The following USP12 variants were observed in gnomAD, a reference collection of about 807,000 sequenced individuals.
USP12 encodes the protein ubiquitin specific peptidase 12.
USP12 carries 19 observed loss-of-function variants against 45.5 expected under a neutral mutation model. The observed-to-expected ratio is 0.42, with a 90% CI of 0.29 to 0.61. The LOEUF (loss-of-function observed/expected upper bound fraction) is 0.61, where lower values mean the gene tolerates loss of function less well. Ranked by LOEUF, USP12 falls within the 20% of genes least tolerant of loss-of-function variation. The probability of loss-of-function intolerance (pLI) is 0.22; values close to 1 mark genes in which losing one functional copy is unlikely to be tolerated. For missense variants in USP12, 242 were observed against 447.7 expected (o/e 0.54, Z 4.15); for synonymous variants, 149 against 148.8 (o/e 1.00, Z -0.01).
intron 6 of USP12, among the ~76,000 whole-genome samples, chr13:27,089,076 G>C (rs1020649794): frequency 6.6e-6 from 1 of 152,186 alleles, no homozygotes; most frequent in African/African-American, 2.4e-5. Flanking sequence ...AATCATTAAT[G>C]TCAAGAAAGG....
intron 1 of USP12, among the ~76,000 whole-genome samples, chr13:27,132,298 T>C (rs1421084643): frequency 2.0e-5 from 3 of 152,240 alleles, no homozygotes; most frequent in Admixed American, 6.5e-5. Flanking sequence ...GATTGGCTTA[T>C]GAAGTAGAGA....
At chr13:27,113,718 A>T (rs1337063426) in intron 2 of USP12, among the ~76,000 whole-genome samples, 2 of 152,236 alleles carry the variant, frequency 1.3e-5, no homozygotes, top group Non-Finnish European at 2.9e-5. Context: ...CGCTTGGTAC[A>T]GTCTAGGCAG....
rs762102296 is a variant in USP12 at position 27,105,953 on chromosome 13, GAA to G, written c.130-11_130-10del. 2.7e-6 allele frequency: 4 copies of G among 1,497,240 alleles called. No individual in the cohort carries two copies. The highest frequency in any genetic ancestry group is 1.8e-6 in the Non-Finnish European group (2 of 1,110,634). The allele number at this position is 1,497,240 out of a possible 1,614,324, so 92.7% of individuals were successfully genotyped here. A position where few individuals can be genotyped will look rare whatever the true frequency, so the allele number is the denominator to read the frequency against. The stretch of plus-strand genomic sequence containing the variant: ...TAGCAGGTATTCCCAAACTGCAACA[GAA>G]AAAAAAAAGTTTTGTTAAATTTAGG... On this transcript the variant is annotated splice_polypyrimidine_tract_variant and intron_variant, in intron 2 of 8. Coordinates refer to ENST00000282344, the MANE Select transcript of USP12 (RefSeq NM_182488.4).
Position 27,113,190 on chromosome 13 carries a change from C to T in USP12, c.129+3326G>A, listed in dbSNP as rs545822801. On this transcript the variant is annotated intron_variant, in intron 2 of 8. Transcript: ENST00000282344. ...GTGAAGCTGCAGTGAGCCAGGGAGG[C>T]GAAACTGCAGTGAGCCATGATCACT... 9.7e-4 allele frequency among the ~76,000 whole-genome samples: 147 copies of T among 150,924 alleles called. 1 individual carries two copies. Among genetic ancestry groups the T allele is most frequent in the African/African-American group, 3.4e-3 (139 of 40,430 alleles).
At position 27,139,170 on chromosome 13, in the gene USP12, C is replaced by T. The variant is rs372033379; in HGVS notation, c.49-22574G>A. Among the ~76,000 whole-genome samples the T allele has an allele frequency of 2.9e-4, 44 of 152,368 alleles. No homozygotes were observed. The East Asian group carries it at 4.8e-3, about 17-fold the overall frequency. The stretch of plus-strand genomic sequence containing the variant: ...AGATCAAGATACCATACCTAACATG[C>T]AGACACACTTAACAGAGCTTTCTAT... On this transcript the variant is annotated intron_variant, in intron 1 of 8. Transcript: ENST00000282344.
At position 27,110,127 on chromosome 13, in the gene USP12, T is replaced by TTAAAAAAAAAAA. The variant is rs9319342; in HGVS notation, c.130-4184_130-4183insTTTTTTTTTTTA. ...GATGACTAGGATTTCCTTTTCCAGGTAAAAAAAAAAAAAAAAAAAGGATAA... is the reference window on the plus strand; with the variant it reads ...GATGACTAGGATTTCCTTTTCCAGGTTAAAAAAAAAAAAAAAAAAAAAAAAAAAAAAGGATAA... On this transcript the variant is annotated intron_variant, in intron 2 of 8. Coordinates refer to ENST00000282344, the MANE Select transcript of USP12 (RefSeq NM_182488.4). 2.2e-4 allele frequency among the ~76,000 whole-genome samples: 26 copies of TTAAAAAAAAAAA among 119,626 alleles called. 1 individual carries two copies. Among genetic ancestry groups the TTAAAAAAAAAAA allele is most frequent in the African/African-American group, 7.4e-4 (23 of 31,122 alleles). The allele number at this position is 119,626 out of a possible 152,430, so 78.5% of individuals were successfully genotyped here.
At chr13:27,116,083 T>C (rs1450626438) in intron 2 of USP12, among the ~76,000 whole-genome samples, 1 of 151,906 alleles carries the variant, frequency 6.6e-6, no homozygotes, top group Admixed American at 6.6e-5. Flanking sequence ...GAGGCTGAGG[T>C]TGGCGGATCA....
At chr13:27,130,723 C>T (rs1206814193) in intron 1 of USP12, among the ~76,000 whole-genome samples, 2 of 152,172 alleles carry the variant, frequency 1.3e-5, no homozygotes, top group Admixed American at 6.5e-5. Flanking sequence ...GAGCTGAGCA[C>T]GCTTACTTCC....
chr13:27,089,793 A>G, intron 6 of USP12, 90 bp downstream of exon 6: 2 of 1,285,146 alleles, frequency 1.6e-6, no homozygotes, highest in East Asian at 5.0e-5. Context: ...TACTCAATGT[A>G]AATTTTCCTA....
intron 1 of USP12, among the ~76,000 whole-genome samples, chr13:27,146,958 A>G (rs1877335323): frequency 6.6e-6 from 1 of 152,208 alleles, no homozygotes; most frequent in Non-Finnish European, 1.5e-5. Context: ...GACACAGGGA[A>G]AAGAGGGCCA....
intron 6 of USP12, among the ~76,000 whole-genome samples, chr13:27,084,169 T>TACACACACACACAC (rs374948699): frequency 4.3e-4 from 61 of 142,508 alleles, no homozygotes; most frequent in Non-Finnish European, 7.9e-4. Context: ...CATGTTTGCA[T>TACACACACACACAC]ACACACACAC....
Position 27,171,787 on chromosome 13 carries a change from TCGTCGCCGCCGG to T in USP12, c.-160_-149del, listed in dbSNP as rs1878652177. On this transcript the variant is annotated 5_prime_UTR_variant, in exon 1 of 9. Coordinates refer to ENST00000282344, the MANE Select transcript of USP12 (RefSeq NM_182488.4). ...CGAGCCCGCTGGGCCGCCGCTGCCG[TCGTCGCCGCCGG>T]CGCTCAGGCACTCCCGGCCTCGGGC... 3.6e-6 allele frequency: 1 copy of T among 274,558 alleles called. No homozygotes were observed. Among genetic ancestry groups the T allele is most frequent in the Non-Finnish European group, 5.5e-6 (1 of 180,512 alleles). The allele number at this position is 274,558 out of a possible 1,614,324, so 17.0% of individuals were successfully genotyped here. A position where few individuals can be genotyped will look rare whatever the true frequency, so the allele number is the denominator to read the frequency against.
chr13:27,140,666 AT>A (rs374733222), intron 1 of USP12, among the ~76,000 whole-genome samples: 33 of 152,332 alleles, frequency 2.2e-4, no homozygotes, highest in Admixed American at 7.2e-4. Context: ...AGCACTTCAA[AT>A]CCTAAACAGA....
chr13:27,134,602 C>T (rs1229464914), intron 1 of USP12, among the ~76,000 whole-genome samples: 5 of 151,900 alleles, frequency 3.3e-5, no homozygotes, highest in Non-Finnish European at 5.9e-5. Flanking sequence ...AAAGGGTTGT[C>T]CAAGGAACTC....
At chr13:27,088,396 GAC>G (rs935025361) in intron 6 of USP12, among the ~76,000 whole-genome samples, 1 of 123,820 alleles carries the variant, frequency 8.1e-6, no homozygotes, top group Middle Eastern at 7.6e-3. Context: ...CAGCCTGGGC[GAC>G]AGAGCGAGAC....
rs1342322688 is a variant in USP12 at position 27,127,087 on chromosome 13, C to T, written c.49-10491G>A. Among the ~76,000 whole-genome samples, 7 of 152,196 alleles carry T rather than the reference C, an allele frequency of 4.6e-5. No individual in the cohort carries two copies. In the East Asian group the frequency reaches 1.3e-3, roughly 29 times the overall value. Reference sequence around the variant, plus strand: ...TCCTAAGAGTCTTGGTCTATACTTCCTCCTCTAGTGGCCTCCTCTATGTTA... The same window carrying T: ...TCCTAAGAGTCTTGGTCTATACTTCTTCCTCTAGTGGCCTCCTCTATGTTA... On this transcript the variant is annotated intron_variant, in intron 1 of 8. Transcript: ENST00000282344.
Position 27,086,183 on chromosome 13 carries a change from A to ATATAT in USP12, c.734+3699_734+3700insATATA, listed in dbSNP as rs1555233200. ...AGATCTTTTGTCTCTTTAAAAAAAAAAAAAAAAAAAAAAAATATATATATA... is the reference window on the plus strand; with the variant it reads ...AGATCTTTTGTCTCTTTAAAAAAAAATATATAAAAAAAAAAAAAAATATATATATA... On this transcript the variant is annotated intron_variant, in intron 6 of 8. Coordinates refer to ENST00000282344, the MANE Select transcript of USP12 (RefSeq NM_182488.4). Among the ~76,000 whole-genome samples, 294 of 39,228 alleles carry ATATAT rather than the reference A, an allele frequency of 7.5e-3. 3 individuals are homozygous for ATATAT. The highest frequency in any genetic ancestry group is 0.012 in the Non-Finnish European group (237 of 19,108). The allele number at this position is 39,228 out of a possible 152,430, so 25.7% of individuals were successfully genotyped here.
In USP12 at chr13:27,095,699, C is replaced by A; in HGVS notation, c.475G>T (p.Asp159Tyr). ...QNGRLPNGNI[D>Y]NENNNSTPDP... ...GGTGTGCTGTTATTATTTTCATTAT[C>A]AATATTACCATTAGGTAAACGACCA... Residue 159 changes from aspartate (D) to tyrosine (Y), a missense_variant, in exon 4 of 9, where the codon GAT (aspartate) becomes TAT (tyrosine). Asp to Tyr is a radical substitution (Grantham distance 160). Transcript: ENST00000282344. 1 of 1,613,114 alleles carries A rather than the reference C, an allele frequency of 6.2e-7. No individual in the cohort carries two copies. Among genetic ancestry groups the A allele is most frequent in the Non-Finnish European group, 8.5e-7 (1 of 1,179,480 alleles).
At chr13:27,146,755 C>T (rs1877326861) in intron 1 of USP12, among the ~76,000 whole-genome samples, 2 of 152,304 alleles carry the variant, frequency 1.3e-5, no homozygotes, top group South Asian at 4.1e-4. Flanking sequence ...ACTATGCACC[C>T]CCTCCTCTAA....
Sources: allele counts gnomAD v4.1 joint callset (sites outside exome capture counted in the v4.1 genomes callset), GRCh38; gene constraint gnomAD v4.1.1; transcripts MANE v1.5; gene names NCBI Gene and HGNC (gene_info 2026-07-23, HGNC 2026-07-21).